NRXN3: variants seen among roughly 807,000 people sequenced by gnomAD.
NRXN3 encodes the protein neurexin III.
NRXN3 carries 32 observed loss-of-function variants against 137.6 expected under a neutral mutation model. The observed-to-expected ratio is 0.23, with a 90% CI of 0.18 to 0.31. NRXN3 has a LOEUF of 0.31. NRXN3 is among the 10% of genes least tolerant of loss of function. The pLI, the probability that NRXN3 is intolerant of heterozygous loss-of-function variation, is 1.00. For synonymous variants in NRXN3, 798 were observed against 784.5 expected (o/e 1.02, Z -0.29); for missense variants, 1,574 against 2,062.5 (o/e 0.76, Z 4.59).
At chr14:78,731,625 G>A (rs1471376988) in intron 8 of NRXN3, among the ~76,000 whole-genome samples, 7 of 149,926 alleles carry the variant, frequency 4.7e-5, no homozygotes, top group Non-Finnish European at 7.4e-5. Flanking sequence ...GTGTGTGTGT[G>A]TGTCTCTGTG....
At chr14:79,220,358 T>A (rs2069346301) in intron 15 of NRXN3, among the ~76,000 whole-genome samples, 1 of 152,176 alleles carries the variant, frequency 6.6e-6, no homozygotes, top group South Asian at 2.1e-4. Context: ...AGAGTTCTCA[T>A]AAACCTCTTC....
At chr14:79,509,557 GCA>G (rs1288684061) in intron 16 of NRXN3, among the ~76,000 whole-genome samples, 2 of 150,468 alleles carry the variant, frequency 1.3e-5, no homozygotes, top group African/African-American at 4.9e-5. Flanking sequence ...GTGTGTGTGT[GCA>G]TGTATGTATA....
intron 15 of NRXN3, among the ~76,000 whole-genome samples, chr14:79,300,553 G>A (rs565207095): frequency 3.9e-5 from 6 of 152,134 alleles, no homozygotes; most frequent in African/African-American, 7.2e-5. Flanking sequence ...GGAGCCTCAC[G>A]TGATATCTCT....
At chr14:78,673,670 T>C (rs1254872062) in intron 6 of NRXN3, among the ~76,000 whole-genome samples, 2 of 152,184 alleles carry the variant, frequency 1.3e-5, no homozygotes, top group East Asian at 3.9e-4. Context: ...ATGGCCTTCT[T>C]TTTGTATCCT....
intron 6 of NRXN3, among the ~76,000 whole-genome samples, chr14:78,698,918 G>A (rs1181270871): frequency 6.6e-6 from 1 of 152,022 alleles, no homozygotes; most frequent in East Asian, 1.9e-4. Context: ...AATAGATATA[G>A]AGGCTTCTTT....
chr14:78,785,425 T>C (rs898674343), intron 8 of NRXN3, among the ~76,000 whole-genome samples: 3 of 152,214 alleles, frequency 2.0e-5, no homozygotes, highest in Non-Finnish European at 2.9e-5. Flanking sequence ...TTCTAAGTTT[T>C]AGCAATATTT....
intron 4 of NRXN3, among the ~76,000 whole-genome samples, chr14:78,530,754 G>A (rs1415632994): frequency 6.6e-6 from 1 of 152,154 alleles, no homozygotes; most frequent in East Asian, 1.9e-4. Flanking sequence ...ACATTCATGG[G>A]GATGAATCCT....
At chr14:79,585,985 G>A (rs576614282) in intron 16 of NRXN3, among the ~76,000 whole-genome samples, 4 of 152,302 alleles carry the variant, frequency 2.6e-5, no homozygotes, top group South Asian at 2.1e-4. Flanking sequence ...AGTTTGTGGC[G>A]TAGCATATGG....
chr14:78,314,146 T>C (rs1254223934), intron 4 of NRXN3, among the ~76,000 whole-genome samples: 1 of 152,202 alleles, frequency 6.6e-6, no homozygotes. Context: ...GTAGTTTGTT[T>C]CCTATAATGT....
chr14:79,278,372 T>A (rs2080651392), intron 15 of NRXN3, among the ~76,000 whole-genome samples: 1 of 152,122 alleles, frequency 6.6e-6, no homozygotes, highest in African/African-American at 2.4e-5. Context: ...TAGTCCACAG[T>A]GTTACCGTGT....
chr14:78,842,766 T>G (rs2099016184), intron 10 of NRXN3, among the ~76,000 whole-genome samples: 1 of 152,096 alleles, frequency 6.6e-6, no homozygotes, highest in South Asian at 2.1e-4. Context: ...CAGGGATGCA[T>G]TCTCTTTCTC....
intron 19 of NRXN3, among the ~76,000 whole-genome samples, chr14:79,757,852 C>T (rs756566235): frequency 1.2e-4 from 18 of 152,068 alleles, no homozygotes; most frequent in Admixed American, 3.3e-4. Flanking sequence ...GCCTATCATC[C>T]GAGAGACCAT....
intron 10 of NRXN3, among the ~76,000 whole-genome samples, chr14:78,950,644 AGAAG>A (rs1567797959): frequency 1.3e-5 from 2 of 152,078 alleles, no homozygotes; most frequent in South Asian, 2.1e-4. Context: ...AAAGAAGGAA[AGAAG>A]GAAGGAAGGA....
At chr14:78,604,165 T>C (rs541442629) in intron 4 of NRXN3, among the ~76,000 whole-genome samples, 4 of 152,284 alleles carry the variant, frequency 2.6e-5, no homozygotes, top group African/African-American at 9.6e-5. Flanking sequence ...AAGAACAGTA[T>C]GAGGGAAACT....
In NRXN3 at chr14:79,082,244, A is replaced by G. The variant is rs529487463; in HGVS notation, c.3262+94103A>G. 2.0e-5 allele frequency among the ~76,000 whole-genome samples: 3 copies of G among 152,232 alleles called. No individual in the cohort carries two copies. The South Asian group carries it at 6.2e-4, about 32-fold the overall frequency. ...TAAAATTTAGGTGTTTTATAAATTT[A>G]TTTGACAGAGCACCCCTAAACCTTT... On this transcript the variant is annotated intron_variant, in intron 15 of 20. Transcript: ENST00000335750.
At chr14:79,315,023 A>G (rs1232978187) in intron 15 of NRXN3, among the ~76,000 whole-genome samples, 1 of 152,212 alleles carries the variant, frequency 6.6e-6, no homozygotes, top group Non-Finnish European at 1.5e-5. Flanking sequence ...TGTGGCTGCC[A>G]CTACAGCCTG....
intron 15 of NRXN3, among the ~76,000 whole-genome samples, chr14:79,384,604 A>G (rs979694775): frequency 6.6e-6 from 1 of 152,168 alleles, no homozygotes; most frequent in Non-Finnish European, 1.5e-5. Context: ...CTCATTTCTC[A>G]AGGAAGGGGC....
At chr14:78,861,619 A>G (rs1466532973) in intron 10 of NRXN3, among the ~76,000 whole-genome samples, 1 of 152,174 alleles carries the variant, frequency 6.6e-6, no homozygotes, top group African/African-American at 2.4e-5. Context: ...TCATGTTGTA[A>G]ATAGACATAC....
At chr14:79,448,684 A>G (rs1358109040) in intron 15 of NRXN3, among the ~76,000 whole-genome samples, 1 of 152,198 alleles carries the variant, frequency 6.6e-6, no homozygotes, top group Non-Finnish European at 1.5e-5. Context: ...GAGCTTTTAG[A>G]TACTATAGAG....
Sources: gnomAD v4.1 joint callset for allele counts (sites outside exome capture counted in the v4.1 genomes callset) on GRCh38, gnomAD v4.1.1 for gene constraint, MANE v1.5 for transcripts, NCBI Gene and HGNC (gene_info 2026-07-23, HGNC 2026-07-21) for gene names.